KCNT1: variants seen among roughly 807,000 people sequenced by gnomAD.
The protein encoded by KCNT1 is potassium sodium-activated channel subfamily T member 1.
Under a neutral mutation model 147.8 loss-of-function variants are expected in KCNT1, and 78 were observed. The ratio of observed to expected loss-of-function variants is 0.53; its 90% CI spans 0.44 to 0.64. The LOEUF is 0.64. KCNT1 is among the 30% of genes least tolerant of loss of function. The probability of loss-of-function intolerance (pLI) is 0.00; values close to 1 mark genes in which losing one functional copy is unlikely to be tolerated. For synonymous variants in KCNT1, 867 were observed against 748.8 expected, an observed-to-expected ratio of 1.16 and a Z score of -2.58; for missense variants, 1,419 against 1,750.3, an observed-to-expected ratio of 0.81 and a Z score of 3.38.
intron 9 of KCNT1, among the ~76,000 whole-genome samples, chr9:135,758,095 G>A (rs1299101935): frequency 2.7e-5 from 4 of 150,674 alleles, no homozygotes; most frequent in South Asian, 2.1e-4. Flanking sequence ...GTGGCCAGGC[G>A]TGGGCTGCCC....
chr9:135,706,306 A>T (rs867370612), intron 1 of KCNT1, among the ~76,000 whole-genome samples: 93 of 152,354 alleles, frequency 6.1e-4, no homozygotes, highest in African/African-American at 1.9e-3. Context: ...GACACGTCAG[A>T]GCTAAGCATT....
rs752032951 is a variant in KCNT1, at chr9:135,750,142, G to A, written c.299G>A (p.Arg100Gln). 1.1e-5 allele frequency: 17 copies of A among 1,613,712 alleles called. No homozygotes were observed. The highest frequency in any genetic ancestry group is 1.6e-4 in the Middle Eastern group (1 of 6,082). ...FYVNENTFKERLKLFFIKNQR... is the reference protein window; with the variant it reads ...FYVNENTFKEQLKLFFIKNQR... ...GTCAACGAGAACACCTTCAAGGAGCGGCTCAAGCTGTTCTTCATCAAAAAC... is the reference window on the plus strand; with the variant it reads ...GTCAACGAGAACACCTTCAAGGAGCAGCTCAAGCTGTTCTTCATCAAAAAC... The change falls in exon 3 of 31, where the codon CGG becomes CAG. Residue 100 changes from arginine (R) to glutamine (Q), a missense_variant. Arg to Gln is a conservative substitution (Grantham distance 43). Coordinates refer to ENST00000371757, the MANE Select transcript of KCNT1 (RefSeq NM_020822.3).
chr9:135,732,000 AGAGAG>A (rs1836483590), intron 2 of KCNT1, among the ~76,000 whole-genome samples: 1 of 64,678 alleles, frequency 1.5e-5, no homozygotes, highest in Non-Finnish European at 3.2e-5. Context: ...ATAGAGAGAG[AGAGAG>A]AGAGAGAGAG....
chr9:135,788,000 T>C, intron 29 of KCNT1: 1 of 851,794 alleles, frequency 1.2e-6, no homozygotes, highest in Non-Finnish European at 2.0e-6. Flanking sequence ...CCCGTGCAGC[T>C]GCCCCTGCAC....
rs1398393357 is a variant in KCNT1, at chr9:135,752,717, G to A, written c.435-1220G>A. Among the ~76,000 whole-genome samples the A allele has an allele frequency of 6.6e-6, 1 of 151,446 alleles. No homozygotes were observed. The highest frequency in any genetic ancestry group is 1.9e-4 in the East Asian group (1 of 5,136). On this transcript the variant is annotated intron_variant, in intron 4 of 30. Coordinates refer to ENST00000371757, the MANE Select transcript of KCNT1 (RefSeq NM_020822.3). The surrounding 1 kb of genome is among the most constrained non-coding windows in gnomAD (Gnocchi z 5.1). ...GTGGATAATGGATGGATAGGTGGAT[G>A]CATGGTGGGTAGATGGATGGATGGA...
At chr9:135,784,942 C>T (rs1833925442) in intron 27 of KCNT1, 53 bp downstream of exon 27, 2 of 1,589,282 alleles carry the variant, frequency 1.3e-6, no homozygotes, top group East Asian at 4.5e-5. Context: ...CCTGTGTGAC[C>T]CACAGCATCC....
At chr9:135,758,647 C>A in intron 10 of KCNT1, 139 bp downstream of exon 10, 1 of 692,090 alleles carries the variant, frequency 1.4e-6, no homozygotes, top group Non-Finnish European at 2.5e-6. Context: ...CTGCGGGTGT[C>A]GGGCCACCAA....
At chr9:135,746,969 G>A (rs914266902) in intron 2 of KCNT1, among the ~76,000 whole-genome samples, 23 of 152,138 alleles carry the variant, frequency 1.5e-4, no homozygotes, top group African/African-American at 5.1e-4. Flanking sequence ...GGTGCCATCA[G>A]GAATGGAGAA....
At chr9:135,789,935 C>T (rs1834369664) in intron 29 of KCNT1, 5 of 152,262 alleles carry the variant, frequency 3.3e-5, no homozygotes, top group Admixed American at 2.0e-4. Context: ...AGGACCAGTG[C>T]CATGTGACTG....
At chr9:135,712,489 A>T (rs567483969) in intron 1 of KCNT1, among the ~76,000 whole-genome samples, 1 of 152,114 alleles carries the variant, frequency 6.6e-6, no homozygotes, top group Non-Finnish European at 1.5e-5. Context: ...TGGCTATGCC[A>T]GGGTTATGTT....
Position 135,750,087 on chromosome 9 carries a change from T to G in KCNT1, c.255-11T>G, listed in dbSNP as rs748057688. 8.7e-6 allele frequency: 14 copies of G among 1,613,020 alleles called. No homozygotes were observed. Among genetic ancestry groups the G allele is most frequent in the Non-Finnish European group, 1.2e-5 (14 of 1,179,186 alleles). ...GGCCCTGAGCCTCCATGCCCCTCTC[T>G]GCTTCTTCAGGGTCCAGGTGGAGTT... is the stretch of plus-strand genomic sequence containing the variant. On this transcript the variant is annotated splice_polypyrimidine_tract_variant and intron_variant, in intron 2 of 30. Transcript: ENST00000371757.
At chr9:135,765,521 C>T (rs1204640330) in intron 12 of KCNT1, 103 bp from the exon 13 acceptor site, 23 of 1,299,654 alleles carry the variant, frequency 1.8e-5, no homozygotes, top group Middle Eastern at 2.8e-4. Context: ...ACAGTGAGCT[C>T]TAGGGCCCAG....
intron 2 of KCNT1, among the ~76,000 whole-genome samples, chr9:135,722,262 C>T (rs1187062267): frequency 6.6e-6 from 1 of 151,976 alleles, no homozygotes; most frequent in Admixed American, 6.6e-5. Flanking sequence ...GCGAATCCCG[C>T]GTCCCCTGGG....
At chr9:135,746,856 G>A (rs1439182502) in intron 2 of KCNT1, among the ~76,000 whole-genome samples, 3 of 152,182 alleles carry the variant, frequency 2.0e-5, no homozygotes, top group African/African-American at 7.2e-5. Context: ...GGAGGTCAGA[G>A]GGAAGAAACA....
intron 2 of KCNT1, among the ~76,000 whole-genome samples, chr9:135,731,492 C>T (rs141881695): frequency 2.5e-4 from 38 of 150,616 alleles, no homozygotes; most frequent in South Asian, 1.3e-3. Flanking sequence ...GGCTTCTTCA[C>T]GCTGGAATTC....
At chr9:135,784,487 C>CAACCAA in intron 25 of KCNT1, 48 bp from the exon 26 acceptor site, 1 of 118,508 alleles carries the variant, frequency 8.4e-6, no homozygotes, top group Non-Finnish European at 1.5e-5. Flanking sequence ...CTGTGGCTCC[C>CAACCAA]TCCCTCCCTC....
chr9:135,771,129 C>A (rs369597377), intron 18 of KCNT1, 34 bp downstream of exon 18: 35 of 1,572,942 alleles, frequency 2.2e-5, no homozygotes, highest in Non-Finnish European at 2.9e-5. Context: ...ACTCCCTGGG[C>A]CTGCTCCTTT....
intron 25 of KCNT1, 43 bp from the exon 26 acceptor site, chr9:135,784,492 T>TCCCCCCCCCCCCCCCCCCCCC: frequency 1.4e-5 from 2 of 138,342 alleles, no homozygotes; most frequent in Non-Finnish European, 1.3e-5. Flanking sequence ...GCTCCCTCCC[T>TCCCCCCCCCCCCCCCCCCCCC]CCCTCCCTCC....
At chr9:135,715,870 G>A (rs1588256956) in intron 2 of KCNT1, among the ~76,000 whole-genome samples, 1 of 152,172 alleles carries the variant, frequency 6.6e-6, no homozygotes, top group East Asian at 1.9e-4. Context: ...GTCAGGAGTG[G>A]GGACTGAGCC....
Sources: allele counts gnomAD v4.1 joint callset (sites outside exome capture counted in the v4.1 genomes callset), GRCh38; gene constraint gnomAD v4.1.1; non-coding constraint Gnocchi (gnomAD v3.1); transcripts MANE v1.5; gene names NCBI Gene and HGNC (gene_info 2026-07-23, HGNC 2026-07-21).